Variants in TIAM2 observed in about 807,000 individuals in gnomAD.
TIAM2 encodes the protein rho guanine nucleotide exchange factor TIAM2.
TIAM2 carries 80 observed loss-of-function variants against 152.9 expected under a neutral mutation model. The observed-to-expected ratio is 0.52, with a 90% CI of 0.44 to 0.63. TIAM2 has a LOEUF of 0.63. Among genes scored for constraint, TIAM2 ranks in the 30% least tolerant of loss-of-function variants. The pLI is 0.00. For synonymous variants in TIAM2, 804 were observed against 838.0 expected, an observed-to-expected ratio of 0.96 and a Z score of 0.70; for missense variants, 1,965 against 2,120.1, an observed-to-expected ratio of 0.93 and a Z score of 1.44.
At chr6:155,113,362 C>T (rs911017906) in intron 2 of TIAM2, among the ~76,000 whole-genome samples, 9 of 152,120 alleles carry the variant, frequency 5.9e-5, no homozygotes, top group African/African-American at 9.7e-5. Flanking sequence ...CCCCTCTCCA[C>T]GTTGCCTCCT....
rs147061634 is a variant in TIAM2 at position 155,211,498 on chromosome 6, G to A, written c.3168+191G>A. 1.9e-3 allele frequency among the ~76,000 whole-genome samples: 282 copies of A among 152,058 alleles called. 2 individuals carry two copies. Among genetic ancestry groups the A allele is most frequent in the Non-Finnish European group, 4.4e-4 (30 of 67,978 alleles). On this transcript the variant is annotated intron_variant, in intron 15 of 26. Coordinates refer to ENST00000682666, the MANE Select transcript of TIAM2 (RefSeq NM_012454.4). ...TTTTTGAAGTGAAGTACTACTAATC[G>A]GAACCATTTGCTCTAGCCAGAACTC...
At chr6:155,179,813 C>T (rs1780852526) in intron 12 of TIAM2, among the ~76,000 whole-genome samples, 1 of 152,198 alleles carries the variant, frequency 6.6e-6, no homozygotes, top group Admixed American at 6.5e-5. Context: ...TGTCTTTGCT[C>T]TTAGTTTTCT....
chr6:155,223,201 G>A (rs1433099881), intron 15 of TIAM2, among the ~76,000 whole-genome samples: 3 of 152,142 alleles, frequency 2.0e-5, no homozygotes, highest in East Asian at 3.9e-4. Flanking sequence ...TTTATGAACC[G>A]TCAGTTTGTG....
At chr6:155,092,241 G>A (rs1778323003) in intron 2 of TIAM2, among the ~76,000 whole-genome samples, 1 of 149,556 alleles carries the variant, frequency 6.7e-6, no homozygotes, top group Non-Finnish European at 1.5e-5. Context: ...GGGACCATAG[G>A]CCCGCACCAC....
chr6:155,248,863 T>C (rs1323762799), intron 20 of TIAM2, among the ~76,000 whole-genome samples: 4 of 152,328 alleles, frequency 2.6e-5, no homozygotes, highest in Admixed American at 2.0e-4. Flanking sequence ...ATAAAATTTA[T>C]GGGGAGAGAG....
chr6:155,020,659 C>T (rs1454991870), intron 1 of TIAM2, among the ~76,000 whole-genome samples: 6 of 152,098 alleles, frequency 3.9e-5, no homozygotes, highest in East Asian at 1.9e-4. Context: ...GACAGGGTTT[C>T]GTCATGTTGG....
chr6:155,028,728 T>C (rs1378964267), intron 1 of TIAM2, among the ~76,000 whole-genome samples: 2 of 133,768 alleles, frequency 1.5e-5, no homozygotes, highest in East Asian at 2.1e-4. Flanking sequence ...ACATATAATA[T>C]ATATACTGTG....
At chr6:155,139,915 G>A (rs947119639) in intron 5 of TIAM2, among the ~76,000 whole-genome samples, 6 of 152,128 alleles carry the variant, frequency 3.9e-5, no homozygotes, top group Non-Finnish European at 8.8e-5. Flanking sequence ...ACTCCAGCCT[G>A]GGCGATGAGT....
At chr6:155,055,571 C>T (rs1401352514) in intron 1 of TIAM2, among the ~76,000 whole-genome samples, 2 of 152,104 alleles carry the variant, frequency 1.3e-5, no homozygotes, top group Non-Finnish European at 2.9e-5. Context: ...TCCCTTAATG[C>T]ACATGTTTAA....
chr6:155,120,597 G>A (rs1779128572), intron 2 of TIAM2, among the ~76,000 whole-genome samples: 1 of 152,140 alleles, frequency 6.6e-6, no homozygotes, highest in Admixed American at 6.5e-5. Flanking sequence ...AGAGGTGAAT[G>A]CTTTTGTTTT....
intron 1 of TIAM2, among the ~76,000 whole-genome samples, chr6:155,000,323 G>C (rs914020920): frequency 1.3e-5 from 2 of 152,004 alleles, no homozygotes; most frequent in East Asian, 2.0e-4. Context: ...ACCTGAGGTC[G>C]GGAGTTCAAG....
At chr6:155,050,667 G>A (rs1316419602) in intron 1 of TIAM2, among the ~76,000 whole-genome samples, 5 of 152,182 alleles carry the variant, frequency 3.3e-5, no homozygotes, top group Non-Finnish European at 5.9e-5. Flanking sequence ...TTCGTGGTCA[G>A]CCGCATTGGC....
At chr6:155,007,453 C>G (rs1010610270) in intron 1 of TIAM2, among the ~76,000 whole-genome samples, 1 of 150,820 alleles carries the variant, frequency 6.6e-6, no homozygotes, top group Non-Finnish European at 1.5e-5. Context: ...GGCACAATCT[C>G]GGCTCACTGC....
At chr6:155,173,199 G>GTGTGTCTGTCTGTC (rs141491120) in intron 9 of TIAM2, among the ~76,000 whole-genome samples, 2 of 149,656 alleles carry the variant, frequency 1.3e-5, no homozygotes, top group African/African-American at 5.0e-5. Context: ...GTGTGTGTGT[G>GTGTGTCTGTCTGTC]TGTCTGTCTG....
intron 14 of TIAM2, among the ~76,000 whole-genome samples, chr6:155,191,739 G>A (rs558847876): frequency 6.6e-6 from 1 of 152,148 alleles, no homozygotes; most frequent in African/African-American, 2.4e-5. Context: ...AGGTTGTAGT[G>A]AGCCAAGATT....
intron 1 of TIAM2, among the ~76,000 whole-genome samples, chr6:155,071,315 C>G (rs1777833176): frequency 6.6e-6 from 1 of 152,236 alleles, no homozygotes; most frequent in Non-Finnish European, 1.5e-5. Context: ...CCTGAACTTA[C>G]ATGACTTGGG....
At chr6:155,054,410 A>C (rs903135791) in intron 1 of TIAM2, among the ~76,000 whole-genome samples, 12 of 152,274 alleles carry the variant, frequency 7.9e-5, no homozygotes, top group African/African-American at 2.9e-4. Context: ...CTTGGCACTA[A>C]GTAATAGTCA....
chr6:155,011,919 A>G (rs1437952967), intron 1 of TIAM2, among the ~76,000 whole-genome samples: 2 of 152,156 alleles, frequency 1.3e-5, no homozygotes, highest in African/African-American at 4.8e-5. Flanking sequence ...ATGCTTGGAA[A>G]ATGTTAACGA....
At chr6:155,149,271 A>C (rs1444939262) in intron 7 of TIAM2, 1 of 167,102 alleles carries the variant, frequency 6.0e-6, no homozygotes, top group African/African-American at 2.4e-5. Flanking sequence ...GGAAAAGGAA[A>C]GCAATGCCTC....
Sources: gnomAD v4.1 joint callset for allele counts (sites outside exome capture counted in the v4.1 genomes callset) on GRCh38, gnomAD v4.1.1 for gene constraint, MANE v1.5 for transcripts, NCBI Gene and HGNC (gene_info 2026-07-23, HGNC 2026-07-21) for gene names.